The following STYX variants were observed in gnomAD, a reference collection of about 807,000 sequenced individuals.
The protein encoded by STYX is serine/threonine/tyrosine interacting protein.
A neutral mutation model predicts 42.7 loss-of-function variants in STYX; 20 were observed. That is an observed-to-expected ratio of 0.47 (90% CI 0.33 to 0.68). The LOEUF (loss-of-function observed/expected upper bound fraction) is 0.68, where lower values mean the gene tolerates loss of function less well. Ranked by LOEUF, STYX falls within the 30% of genes least tolerant of loss-of-function variation. The pLI is 0.02. For synonymous variants in STYX, 78 were observed against 81.9 expected (o/e 0.95, Z 0.26); for missense variants, 226 against 268.5 (o/e 0.84, Z 1.11).
At chr14:52,746,570 G>A in intron 3 of STYX, 91 bp downstream of exon 3, 1 of 1,114,672 alleles carries the variant, frequency 9.0e-7, no homozygotes, top group Non-Finnish European at 1.3e-6. Flanking sequence ...TTATTTTAGG[G>A]AGCATCCACA....
At chr14:52,761,660 C>T (rs533788253) in intron 9 of STYX, among the ~76,000 whole-genome samples, 1 of 150,180 alleles carries the variant, frequency 6.7e-6, no homozygotes, top group Admixed American at 6.6e-5. Context: ...CCTCCACCTC[C>T]CAGGTTCAAA....
chr14:52,760,408 T>C (rs527658920), intron 9 of STYX, among the ~76,000 whole-genome samples: 3 of 152,326 alleles, frequency 2.0e-5, no homozygotes, highest in Non-Finnish European at 4.4e-5. Context: ...ATGTTTATCT[T>C]TTCCATGTTG....
At chr14:52,734,400 C>T (rs969132807) in intron 1 of STYX, among the ~76,000 whole-genome samples, 13 of 152,190 alleles carry the variant, frequency 8.5e-5, no homozygotes, top group Admixed American at 1.3e-4. Flanking sequence ...TCCATCCCCT[C>T]CCATAGAGGT....
intron 2 of STYX, among the ~76,000 whole-genome samples, chr14:52,745,224 G>A (rs1881352305): frequency 6.6e-6 from 1 of 151,600 alleles, no homozygotes; most frequent in South Asian, 2.1e-4. Context: ...GGGTTCAAGT[G>A]ATTCTCCTGC....
At chr14:52,757,208 A>G (rs1881907201) in intron 5 of STYX, 111 bp from the exon 6 acceptor site, 1 of 887,802 alleles carries the variant, frequency 1.1e-6, no homozygotes, top group African/African-American at 1.7e-5. Context: ...TGGTGAATCA[A>G]AATAATTTTT....
rs1880629490 is a variant in STYX, at chr14:52,730,206, G to A, written c.-269G>A. On this transcript the variant is annotated 5_prime_UTR_variant, in exon 1 of 11. Coordinates refer to ENST00000354586, the MANE Select transcript of STYX (RefSeq NM_145251.4). Reference sequence around the variant, plus strand: ...TCCTGTGCTGGATCCTGGGCGGCCTGAGGGGTACGGAGACTCTGGGGGAGG... The same window carrying A: ...TCCTGTGCTGGATCCTGGGCGGCCTAAGGGGTACGGAGACTCTGGGGGAGG... The A allele has an allele frequency of 9.8e-6, 5 of 509,510 alleles. 1 individual carries two copies. The highest frequency in any genetic ancestry group is 7.8e-5 in the South Asian group (3 of 38,284). The allele number at this position is 509,510 out of a possible 1,614,324, so 31.6% of individuals were successfully genotyped here.
chr14:52,745,574 G>A (rs1460930353), intron 2 of STYX, among the ~76,000 whole-genome samples: 1 of 152,202 alleles, frequency 6.6e-6, no homozygotes, highest in African/African-American at 2.4e-5. Context: ...TTCATTTTGT[G>A]TCCGATTTTT....
intron 9 of STYX, among the ~76,000 whole-genome samples, chr14:52,763,568 T>C (rs1882184051): frequency 6.6e-6 from 1 of 152,228 alleles, no homozygotes; most frequent in African/African-American, 2.4e-5. Flanking sequence ...TTCTGTGATT[T>C]CAGTTTTGGT....
At chr14:52,736,014 C>T (rs932815243) in intron 1 of STYX, among the ~76,000 whole-genome samples, 4 of 152,164 alleles carry the variant, frequency 2.6e-5, no homozygotes, top group African/African-American at 9.7e-5. Context: ...CTGCATACCT[C>T]TCTAACCTCA....
rs1194896444 is a variant in STYX, at chr14:52,730,272, C to G, written c.-203C>G. 1.2e-5 allele frequency: 7 copies of G among 588,816 alleles called. No individual in the cohort carries two copies. Among genetic ancestry groups the G allele is most frequent in the Non-Finnish European group, 2.1e-5 (7 of 329,884 alleles). The allele number at this position is 588,816 out of a possible 1,614,324, so 36.5% of individuals were successfully genotyped here. A position where few individuals can be genotyped will look rare whatever the true frequency, so the allele number is the denominator to read the frequency against. ...TGGCGGCCGGGTGTAAGACGCCCGA[C>G]CCTCCTCTTCCCTGTCTTCGCCGCC... On this transcript the variant is annotated 5_prime_UTR_variant, in exon 1 of 11. Coordinates refer to ENST00000354586, the MANE Select transcript of STYX (RefSeq NM_145251.4).
intron 2 of STYX, 151 bp from the exon 3 acceptor site, chr14:52,746,275 A>G: frequency 3.2e-6 from 1 of 316,864 alleles, no homozygotes; most frequent in East Asian, 6.9e-5. Flanking sequence ...TTTTTTAAAG[A>G]AAAAAAAAAA....
chr14:52,765,093 C>T (rs368892676), intron 9 of STYX, among the ~76,000 whole-genome samples: 2 of 152,316 alleles, frequency 1.3e-5, no homozygotes, highest in East Asian at 3.9e-4. Context: ...TATCCCTTTG[C>T]ATATTGGAAA....
chr14:52,730,355 GCCCTCCTGTCAGCCCTCCGCTCCGCC>G lies in STYX; in HGVS notation c.-119_-94del. ...TGCGTGTGTTAGTTGTAATCCCGCC[GCCCTCCTGTCAGCCCTCCGCTCCGCC>G]GGCCCTCCTTCCTTCCGCCGCCGCA... On this transcript the variant is annotated 5_prime_UTR_variant, in exon 1 of 11. Coordinates refer to ENST00000354586, the MANE Select transcript of STYX (RefSeq NM_145251.4). 1.0e-6 allele frequency: 1 copy of G among 966,578 alleles called. No homozygotes were observed. The highest frequency in any genetic ancestry group is 1.6e-6 in the Non-Finnish European group (1 of 625,142). 59.9% of individuals were successfully genotyped at this position (966,578 alleles called of 1,614,324 possible).
At chr14:52,755,121 G>GTTTTTTTTTTTTTTTTTTTTTTTTTGT in intron 4 of STYX, among the ~76,000 whole-genome samples, 1 of 139,308 alleles carries the variant, frequency 7.2e-6, no homozygotes, top group Non-Finnish European at 1.5e-5. Context: ...TTGTTTTTTT[G>GTTTTTTTTTTTTTTTTTTTTTTTTTGT]TTTTTTTTTT....
intron 9 of STYX, among the ~76,000 whole-genome samples, chr14:52,765,568 C>G (rs114657251): frequency 0.012 from 1,772 of 152,260 alleles, 32 homozygotes; most frequent in African/African-American, 0.038. Context: ...AGATTCCCCC[C>G]TTAGGTGAAT....
In STYX at chr14:52,774,664, A is replaced by C. The variant is rs958981938; in HGVS notation, c.*3558A>C. ...AATCACTCAAAATATTCAGGTTTAC[A>C]TGTTAGCTCTCTCTCATAGGGAGCT... On this transcript the variant is annotated 3_prime_UTR_variant, in exon 11 of 11. Transcript: ENST00000354586. 1 of 150,106 alleles carries C rather than the reference A, an allele frequency of 6.7e-6. No individual in the cohort carries two copies. The highest frequency in any genetic ancestry group is 1.5e-5 in the Non-Finnish European group (1 of 67,822). The allele number at this position is 150,106 out of a possible 1,614,324, so 9.3% of individuals were successfully genotyped here.
At chr14:52,769,865 T>C (rs774576068) in intron 10 of STYX, among the ~76,000 whole-genome samples, 48 of 152,138 alleles carry the variant, frequency 3.2e-4, no homozygotes, top group Non-Finnish European at 6.0e-4. Flanking sequence ...TATTGATATT[T>C]TTCCTTTGCC....
chr14:52,745,612 G>A (rs1490543181), intron 2 of STYX, among the ~76,000 whole-genome samples: 1 of 152,204 alleles, frequency 6.6e-6, no homozygotes, highest in Non-Finnish European at 1.5e-5. Flanking sequence ...AAGTCTTCTA[G>A]AAGATCAAAT....
chr14:52,762,731 C>T (rs1409362399), intron 9 of STYX, among the ~76,000 whole-genome samples: 2 of 151,956 alleles, frequency 1.3e-5, no homozygotes, highest in Non-Finnish European at 2.9e-5. Flanking sequence ...TATATGGCAC[C>T]TGTGAAATAT....
Sources: allele counts gnomAD v4.1 joint callset (sites outside exome capture counted in the v4.1 genomes callset), GRCh38; gene constraint gnomAD v4.1.1; transcripts MANE v1.5; gene names NCBI Gene and HGNC (gene_info 2026-07-23, HGNC 2026-07-21).